The following LMX1A variants were observed in gnomAD, a reference collection of about 807,000 sequenced individuals.
LMX1A encodes the protein LIM homeobox transcription factor 1 alpha.
A neutral mutation model predicts 49.1 loss-of-function variants in LMX1A; 15 were observed. The ratio of observed to expected loss-of-function variants is 0.31; its 90% CI spans 0.20 to 0.47. The LOEUF is 0.47. Ranked by LOEUF, LMX1A falls within the 20% of genes least tolerant of loss-of-function variation. The pLI is 1.00. For synonymous variants in LMX1A, 167 were observed against 185.7 expected (o/e 0.90, Z 0.82); for missense variants, 372 against 475.8 (o/e 0.78, Z 2.03).
chr1:165,334,391 G>GT (rs1655839829), intron 3 of LMX1A, among the ~76,000 whole-genome samples: 1 of 152,128 alleles, frequency 6.6e-6, no homozygotes, highest in Non-Finnish European at 1.5e-5. Context: ...CTTAATAACA[G>GT]TAAGTTTTAA....
At chr1:165,251,437 G>C (rs572029131) in intron 3 of LMX1A, among the ~76,000 whole-genome samples, 2 of 152,270 alleles carry the variant, frequency 1.3e-5, no homozygotes, top group East Asian at 3.9e-4. Flanking sequence ...ACTCTTGGCT[G>C]TATGAAAAGT....
At chr1:165,265,193 G>T (rs151116092) in intron 3 of LMX1A, among the ~76,000 whole-genome samples, 216 of 145,074 alleles carry the variant, frequency 1.5e-3, no homozygotes, top group African/African-American at 5.5e-3. Flanking sequence ...GACAGTGAGC[G>T]ACTCTGTCTC....
At chr1:165,341,655 G>C (rs1656080033) in intron 3 of LMX1A, among the ~76,000 whole-genome samples, 1 of 151,646 alleles carries the variant, frequency 6.6e-6, no homozygotes, top group Non-Finnish European at 1.5e-5. Context: ...ATAGCACATA[G>C]TAATACAGAA....
chr1:165,262,069 AT>A (rs954459458), intron 3 of LMX1A, among the ~76,000 whole-genome samples: 2 of 152,108 alleles, frequency 1.3e-5, no homozygotes, highest in African/African-American at 4.8e-5. Context: ...AAAAATTATA[AT>A]TTTTTTAAAC....
rs770228573 is a variant in LMX1A at position 165,249,610 on chromosome 1, G to A, written c.294C>T (p.Phe98=). The change falls in exon 4 of 9, where the codon TTC becomes TTT. Residue 98 remains phenylalanine, a synonymous_variant. Transcript: ENST00000342310. ...KLFAVKCGGC[F]EAIAPNEFVM... ...CAAACTCATTGGGAGCGATGGCCTCGAAGCAGCCCCCACATTTAACAGCAA... is the reference window on the plus strand; with the variant it reads ...CAAACTCATTGGGAGCGATGGCCTCAAAGCAGCCCCCACATTTAACAGCAA... 1.8e-5 allele frequency: 29 copies of A among 1,613,982 alleles called. No homozygotes were observed. Among genetic ancestry groups the A allele is most frequent in the Middle Eastern group, 1.6e-4 (1 of 6,084 alleles).
intron 3 of LMX1A, among the ~76,000 whole-genome samples, chr1:165,329,624 C>T (rs533728125): frequency 5.3e-5 from 8 of 150,160 alleles, no homozygotes; most frequent in South Asian, 2.2e-4. Flanking sequence ...CCCCCACCCC[C>T]GCCACTGCAA....
intron 3 of LMX1A, among the ~76,000 whole-genome samples, chr1:165,270,368 G>A (rs11801202): frequency 0.099 from 15,127 of 152,224 alleles, 955 homozygotes; most frequent in Non-Finnish European, 0.15. Context: ...ACAAGGGCTA[G>A]AGAAATTTGG....
intron 3 of LMX1A, among the ~76,000 whole-genome samples, chr1:165,287,059 A>G (rs59974691): frequency 0.2 from 29,964 of 152,022 alleles, 3,267 homozygotes; most frequent in African/African-American, 0.3. Context: ...TAGAAAGAAT[A>G]AATCAAAACA....
intron 3 of LMX1A, among the ~76,000 whole-genome samples, chr1:165,299,266 C>A (rs1381905438): frequency 6.6e-6 from 1 of 152,176 alleles, no homozygotes; most frequent in Non-Finnish European, 1.5e-5. Context: ...AAGGAAAGCT[C>A]CCTTTTTAAT....
intron 4 of LMX1A, among the ~76,000 whole-genome samples, chr1:165,232,180 C>T (rs1040816035): frequency 6.6e-6 from 1 of 152,172 alleles, no homozygotes; most frequent in South Asian, 2.1e-4. Context: ...CAGCAAAGGG[C>T]CCCAGACCAG....
intron 3 of LMX1A, among the ~76,000 whole-genome samples, chr1:165,317,776 C>T (rs185914931): frequency 6.6e-6 from 1 of 152,360 alleles, no homozygotes; most frequent in Admixed American, 6.5e-5. Flanking sequence ...ACCGATCTCA[C>T]GTCATCCTCT....
intron 8 of LMX1A, among the ~76,000 whole-genome samples, chr1:165,205,067 A>C (rs968714694): frequency 2.6e-5 from 4 of 152,192 alleles, no homozygotes; most frequent in African/African-American, 7.2e-5. Context: ...AATCTCTGAT[A>C]CTAATGTTTT....
chr1:165,269,868 G>A (rs1005222801), intron 3 of LMX1A, among the ~76,000 whole-genome samples: 1 of 152,052 alleles, frequency 6.6e-6, no homozygotes, highest in African/African-American at 2.4e-5. Context: ...ACAGGGAGGG[G>A]AACAACACTT....
At position 165,268,679 on chromosome 1, in the gene LMX1A, A is replaced by G. The variant is rs190926123; in HGVS notation, c.264-19039T>C. 2.6e-3 allele frequency among the ~76,000 whole-genome samples: 392 copies of G among 152,358 alleles called. 1 individual carries two copies. The highest frequency in any genetic ancestry group is 8.7e-3 in the African/African-American group (362 of 41,594). ...TACCACTTATTAGCTGTGTGACCTT[A>G]GTCAAGGTAATTAACCTCTCTGAGC... On this transcript the variant is annotated intron_variant, in intron 3 of 8. Transcript: ENST00000342310.
intron 3 of LMX1A, among the ~76,000 whole-genome samples, chr1:165,260,297 T>C (rs946641675): frequency 4.6e-5 from 7 of 152,108 alleles, no homozygotes; most frequent in Non-Finnish European, 4.4e-5. Context: ...ACGTGGCCAA[T>C]ACAATGTATA....
chr1:165,217,676 TGG>T (rs1651692344), intron 4 of LMX1A, among the ~76,000 whole-genome samples: 1 of 152,132 alleles, frequency 6.6e-6, no homozygotes, highest in Non-Finnish European at 1.5e-5. Flanking sequence ...TGCATATATG[TGG>T]GTTTCACAGC....
chr1:165,260,859 A>G (rs968157019), intron 3 of LMX1A, among the ~76,000 whole-genome samples: 1 of 152,180 alleles, frequency 6.6e-6, no homozygotes, highest in African/African-American at 2.4e-5. Context: ...TTTCTAACTG[A>G]CGGGTGGAAA....
chr1:165,315,490 T>C (rs551204815), intron 3 of LMX1A, among the ~76,000 whole-genome samples: 1 of 152,340 alleles, frequency 6.6e-6, no homozygotes, highest in African/African-American at 2.4e-5. Flanking sequence ...ACAGCTGTAA[T>C]TGGCATTATG....
intron 4 of LMX1A, among the ~76,000 whole-genome samples, chr1:165,221,583 G>T (rs561225101): frequency 6.6e-6 from 1 of 152,284 alleles, no homozygotes; most frequent in Non-Finnish European, 1.5e-5. Context: ...CCACTGCAGA[G>T]GGGGGTTTCT....
Sources: gnomAD v4.1 joint callset for allele counts (sites outside exome capture counted in the v4.1 genomes callset) on GRCh38, gnomAD v4.1.1 for gene constraint, MANE v1.5 for transcripts, NCBI Gene and HGNC (gene_info 2026-07-23, HGNC 2026-07-21) for gene names.